The following SND1 variants were observed in gnomAD, a reference collection of about 807,000 sequenced individuals.
SND1 encodes staphylococcal nuclease domain-containing protein 1.
In SND1, 38 loss-of-function variants were observed where a neutral mutation model predicts 121.7. The ratio of observed to expected loss-of-function variants is 0.31; its 90% CI spans 0.24 to 0.41. The LOEUF is 0.41. Ranked by LOEUF, SND1 falls within the 10% of genes least tolerant of loss-of-function variation. The pLI, the probability that SND1 is intolerant of heterozygous loss-of-function variation, is 1.00. For missense variants in SND1, 868 were observed against 1,184.6 expected (o/e 0.73, Z 3.92); for synonymous variants, 401 against 447.4 (o/e 0.90, Z 1.31).
chr7:127,911,171 A>G (rs2116778771), intron 14 of SND1, among the ~76,000 whole-genome samples: 1 of 152,296 alleles, frequency 6.6e-6, no homozygotes, highest in South Asian at 2.1e-4. Flanking sequence ...TCTTTCTTCA[A>G]GCAAAGTTTA....
At chr7:127,733,756 C>T (rs1266707274) in intron 10 of SND1, among the ~76,000 whole-genome samples, 1 of 152,126 alleles carries the variant, frequency 6.6e-6, no homozygotes, top group Non-Finnish European at 1.5e-5. Flanking sequence ...ACAGCAGAGT[C>T]GCATTGTGTA....
At chr7:127,714,909 C>A (rs1796360825) in intron 9 of SND1, among the ~76,000 whole-genome samples, 1 of 152,196 alleles carries the variant, frequency 6.6e-6, no homozygotes, top group Non-Finnish European at 1.5e-5. Context: ...TGGGGACACA[C>A]TTGGGTTGCT....
At chr7:127,846,562 T>C (rs1799067527) in intron 12 of SND1, among the ~76,000 whole-genome samples, 1 of 152,214 alleles carries the variant, frequency 6.6e-6, no homozygotes, top group South Asian at 2.1e-4. Flanking sequence ...GTTGTAGCCC[T>C]AGTATCTAGC....
chr7:127,707,766 AGTGT>A (rs35627839), intron 9 of SND1, 119 bp downstream of exon 9: 32,948 of 406,000 alleles, frequency 0.081, 404 homozygotes, highest in East Asian at 0.16. Flanking sequence ...AGCCAGTAGG[AGTGT>A]GTGTGTGTGT....
intron 10 of SND1, among the ~76,000 whole-genome samples, chr7:127,728,907 A>C (rs553240696): frequency 6.6e-6 from 1 of 150,980 alleles, no homozygotes; most frequent in South Asian, 2.1e-4. Context: ...GAGGTTTTAC[A>C]CTCCTGTTTT....
At chr7:127,759,383 A>T (rs536676921) in intron 10 of SND1, among the ~76,000 whole-genome samples, 1 of 152,070 alleles carries the variant, frequency 6.6e-6, no homozygotes, top group African/African-American at 2.4e-5. Flanking sequence ...GTTTGTTTTC[A>T]TACTTAAATT....
intron 11 of SND1, among the ~76,000 whole-genome samples, chr7:127,819,386 G>T (rs1270009345): frequency 6.6e-6 from 1 of 152,112 alleles, no homozygotes; most frequent in East Asian, 1.9e-4. Context: ...AATATCCAAA[G>T]GATACTTTTT....
intron 8 of SND1, among the ~76,000 whole-genome samples, chr7:127,705,692 C>T (rs1284115297): frequency 6.6e-6 from 1 of 152,014 alleles, no homozygotes; most frequent in Non-Finnish European, 1.5e-5. Flanking sequence ...CAGGTAGCAA[C>T]AATAGATGAA....
chr7:128,088,650 A>G (rs899277319), intron 21 of SND1, among the ~76,000 whole-genome samples: 10 of 151,618 alleles, frequency 6.6e-5, no homozygotes, highest in African/African-American at 2.2e-4. Flanking sequence ...ACAGGGTTTC[A>G]CCATGTTGGC....
At chr7:127,910,889 T>A (rs1200978883) in intron 14 of SND1, among the ~76,000 whole-genome samples, 2 of 152,198 alleles carry the variant, frequency 1.3e-5, no homozygotes, top group African/African-American at 4.8e-5. Flanking sequence ...TGGAGCTTCA[T>A]TCACACAGTA....
intron 16 of SND1, chr7:128,028,760 CAG>C (rs767854743): frequency 1.2e-6 from 2 of 1,614,086 alleles, no homozygotes; most frequent in African/African-American, 1.3e-5. Context: ...CTGTGGGGTG[CAG>C]AGAGTTCCCC....
At position 127,947,400 on chromosome 7, in the gene SND1, T is replaced by A. The variant is rs76977986; in HGVS notation, c.1669+18071T>A. On this transcript the variant is annotated intron_variant, in intron 15 of 23. Coordinates refer to ENST00000354725, the MANE Select transcript of SND1 (RefSeq NM_014390.4). The stretch of plus-strand genomic sequence containing the variant: ...TATTCTTTCAGATTTCAGGAAATAA[T>A]GAGTCAGAAGTATGGCAAAATAATC... Among the ~76,000 whole-genome samples the A allele has an allele frequency of 7.9e-3, 1,200 of 152,342 alleles. 18 individuals carry two copies. Among genetic ancestry groups the A allele is most frequent in the African/African-American group, 0.027 (1,121 of 41,554 alleles).
intron 11 of SND1, among the ~76,000 whole-genome samples, chr7:127,825,940 C>T (rs1798635519): frequency 6.6e-6 from 1 of 151,932 alleles, no homozygotes; most frequent in Non-Finnish European, 1.5e-5. Context: ...GCCTGTAATC[C>T]CAGCACTTTG....
In SND1 at chr7:128,081,516, C is replaced by A; in HGVS notation, c.2110+15C>A. ...TGTGGAGACCGGTGAGTGCTCAGGC[C>A]GCTGGCTCGTGGTTCCTGGCTTGGT... On this transcript the variant is annotated intron_variant, in intron 18 of 23. Transcript: ENST00000354725. The A allele has an allele frequency of 6.2e-7, 1 of 1,613,012 alleles. No individual in the cohort carries two copies. The highest frequency in any genetic ancestry group is 8.5e-7 in the Non-Finnish European group (1 of 1,179,714).
Position 128,029,140 on chromosome 7 carries a change from G to T in SND1, c.1779+38084G>T. ...GTCGCGGGTACTGCCACCTGCTTGGGCACACGGGTAGTCTGAATGAGCACC... is the reference window on the plus strand; with the variant it reads ...GTCGCGGGTACTGCCACCTGCTTGGTCACACGGGTAGTCTGAATGAGCACC... On this transcript the variant is annotated intron_variant, in intron 16 of 23. Transcript: ENST00000354725. The surrounding 1 kb of genome is among the most constrained non-coding windows in gnomAD (Gnocchi z 4.2). 4 of 1,614,128 alleles carry T rather than the reference G, an allele frequency of 2.5e-6. No individual in the cohort carries two copies. Among genetic ancestry groups the T allele is most frequent in the Middle Eastern group, 1.6e-4 (1 of 6,062 alleles).
intron 10 of SND1, among the ~76,000 whole-genome samples, chr7:127,785,359 C>A (rs1797793396): frequency 1.3e-5 from 2 of 152,138 alleles, no homozygotes; most frequent in South Asian, 4.1e-4. Context: ...GGGATGATTC[C>A]TGAGTATGCA....
Position 127,724,480 on chromosome 7 carries a change from G to C in SND1, c.1152+3080G>C, listed in dbSNP as rs768058256. 1.9e-3 allele frequency among the ~76,000 whole-genome samples: 286 copies of C among 152,184 alleles called. 3 individuals carry two copies. The highest frequency in any genetic ancestry group is 3.2e-3 in the Non-Finnish European group (219 of 68,030). ...GGCAAGGCCAGATCAAACATGTCCT[G>C]TGAACATCTTAGGATACTCAGGAAG... On this transcript the variant is annotated intron_variant, in intron 10 of 23. Coordinates refer to ENST00000354725, the MANE Select transcript of SND1 (RefSeq NM_014390.4).
intron 15 of SND1, among the ~76,000 whole-genome samples, chr7:127,970,039 A>G (rs1363519172): frequency 6.6e-6 from 1 of 152,200 alleles, no homozygotes; most frequent in African/African-American, 2.4e-5. Flanking sequence ...CATTATTGTT[A>G]TGTGAGTTTC....
intron 9 of SND1, among the ~76,000 whole-genome samples, chr7:127,711,235 T>G (rs1796291848): frequency 6.6e-6 from 1 of 152,210 alleles, no homozygotes; most frequent in Non-Finnish European, 1.5e-5. Flanking sequence ...TCTCACAGCT[T>G]TCTCTTTATA....
Sources: allele counts gnomAD v4.1 joint callset (sites outside exome capture counted in the v4.1 genomes callset), GRCh38; gene constraint gnomAD v4.1.1; non-coding constraint Gnocchi (gnomAD v3.1); transcripts MANE v1.5; gene names NCBI Gene and HGNC (gene_info 2026-07-23, HGNC 2026-07-21).